The following CD81 variants were observed in gnomAD, a reference collection of about 807,000 sequenced individuals.
CD81 encodes the protein CD81 antigen.
CD81 carries 10 observed loss-of-function variants against 30.1 expected under a neutral mutation model. The ratio of observed to expected loss-of-function variants is 0.33; its 90% CI spans 0.21 to 0.56. The LOEUF (loss-of-function observed/expected upper bound fraction) is 0.56. CD81 is among the 20% of genes least tolerant of loss of function. The pLI is 0.89. For missense variants in CD81, 263 were observed against 308.7 expected, an observed-to-expected ratio of 0.85 and a Z score of 1.11; for synonymous variants, 147 against 126.4, an observed-to-expected ratio of 1.16 and a Z score of -1.10.
intron 3 of CD81, 105 bp from the exon 4 acceptor site, chr11:2,394,867 C>G: frequency 9.6e-7 from 1 of 1,046,004 alleles, no homozygotes; most frequent in East Asian, 2.4e-5. Flanking sequence ...CTGGTGGCTC[C>G]CACTAGCCCC....
At chr11:2,385,913 T>A in intron 1 of CD81, 1 of 660,594 alleles carries the variant, frequency 1.5e-6, no homozygotes, top group Non-Finnish European at 2.8e-6. Context: ...CTTGGGTAAA[T>A]ACCTGTGCGT....
Position 2,377,711 on chromosome 11 carries a change from C to A in CD81, c.66+96C>A. On this transcript the variant is annotated intron_variant, in intron 1 of 7. Transcript: ENST00000263645. This position sits in a 1 kb window ranked among gnomAD's most constrained non-coding sequence, Gnocchi z 7.7. The stretch of plus-strand genomic sequence containing the variant: ...AGCGTGCTAGGCCCCGCGGGCGCAG[C>A]GCGGGCCGCGAAGTTGTGGGGCCAC... 1 of 728,562 alleles carries A rather than the reference C, an allele frequency of 1.4e-6. No homozygotes were observed. The highest frequency in any genetic ancestry group is 2.0e-6 in the Non-Finnish European group (1 of 510,282). 45.1% of individuals were successfully genotyped at this position (728,562 alleles called of 1,614,324 possible). A position where few individuals can be genotyped will look rare whatever the true frequency, so the allele number is the denominator to read the frequency against.
rs747232734 is a variant in CD81 at position 2,396,833 on chromosome 11, G to A, written c.678G>A (p.Leu226=). Residue 226 remains leucine, a synonymous_variant, in exon 8 of 8, where the codon CTG becomes CTA. Coordinates refer to ENST00000263645, the MANE Select transcript of CD81 (RefSeq NM_004356.4). ...TCGAGATGATCCTGAGCATGGTGCTGTGCTGTGGCATCCGGAACAGCTCCG... is the reference window on the plus strand; with the variant it reads ...TCGAGATGATCCTGAGCATGGTGCTATGCTGTGGCATCCGGAACAGCTCCG... ...MIFEMILSMV[L]CCGIRNSSVY 6.2e-7 allele frequency: 1 copy of A among 1,612,824 alleles called. No individual in the cohort carries two copies. The highest frequency in any genetic ancestry group is 8.5e-7 in the Non-Finnish European group (1 of 1,180,014).
chr11:2,390,556 C>T (rs769589492), intron 2 of CD81, 30 bp downstream of exon 2: 3 of 1,496,942 alleles, frequency 2.0e-6, no homozygotes, highest in African/African-American at 1.4e-5. Context: ...CAGACGCATT[C>T]AGGGAGGGCT....
Position 2,395,983 on chromosome 11 carries a change from G to A in CD81, c.561+13G>A, listed in dbSNP as rs781114589. ...CAACCTCTTCAAGGTGCGCGAGGCCGGTGGGGCCGCGCCTGACCCCCCGCA... is the reference window on the plus strand; with the variant it reads ...CAACCTCTTCAAGGTGCGCGAGGCCAGTGGGGCCGCGCCTGACCCCCCGCA... On this transcript the variant is annotated intron_variant, in intron 6 of 7. Coordinates refer to ENST00000263645, the MANE Select transcript of CD81 (RefSeq NM_004356.4). The A allele has an allele frequency of 1.3e-5, 20 of 1,567,958 alleles. No individual in the cohort carries two copies. Among genetic ancestry groups the A allele is most frequent in the Admixed American group, 5.0e-5 (3 of 59,942 alleles).
intron 1 of CD81, among the ~76,000 whole-genome samples, chr11:2,380,180 A>T (rs1459485312): frequency 6.6e-6 from 1 of 152,062 alleles, no homozygotes. Context: ...GACAGGCAGG[A>T]TGTGCAGTGG....
rs1849677195 is a variant in CD81, at chr11:2,379,947, T to C, written c.66+2332T>C. Among the ~76,000 whole-genome samples, 13 of 152,286 alleles carry C rather than the reference T, an allele frequency of 8.5e-5. No homozygotes were observed. In the South Asian group the frequency reaches 2.7e-3, roughly 32 times the overall value. ...GTGTGTGGCTGAGAGCACAGTGCCA[T>C]GGGCTTGGGCCTCCTTGGTGGAGTC... On this transcript the variant is annotated intron_variant, in intron 1 of 7. Coordinates refer to ENST00000263645, the MANE Select transcript of CD81 (RefSeq NM_004356.4).
intron 1 of CD81, among the ~76,000 whole-genome samples, chr11:2,389,847 G>C (rs1564992910): frequency 6.6e-6 from 1 of 152,004 alleles, no homozygotes; most frequent in Non-Finnish European, 1.5e-5. Context: ...AGCAAAGATG[G>C]GGTGCCCCCA....
At chr11:2,382,529 G>T (rs1176289654) in intron 1 of CD81, 1 of 152,286 alleles carries the variant, frequency 6.6e-6, no homozygotes, top group Non-Finnish European at 1.5e-5. Context: ...CCCAGTTATG[G>T]AAGTGGCGTG....
At chr11:2,389,824 C>T (rs946650597) in intron 1 of CD81, among the ~76,000 whole-genome samples, 1 of 152,132 alleles carries the variant, frequency 6.6e-6, no homozygotes, top group Non-Finnish European at 1.5e-5. Flanking sequence ...AAATCCTACC[C>T]TCTCCTCCTG....
chr11:2,395,389 G>A, intron 4 of CD81, 27 bp from the exon 5 acceptor site: 2 of 1,563,280 alleles, frequency 1.3e-6, no homozygotes, highest in Non-Finnish European at 1.8e-6. Flanking sequence ...GGTTCCCCCT[G>A]TGCATGTGAC....
At chr11:2,383,838 G>C (rs1849740875) in intron 1 of CD81, among the ~76,000 whole-genome samples, 1 of 152,228 alleles carries the variant, frequency 6.6e-6, no homozygotes, top group Admixed American at 6.5e-5. Flanking sequence ...CCGTCTGGGT[G>C]GGGGTAAGGT....
chr11:2,397,389 G>A lies in CD81; in HGVS notation c.*523G>A, dbSNP rs1665753865. 3 of 203,252 alleles carry A rather than the reference G, an allele frequency of 1.5e-5. No homozygotes were observed. Among genetic ancestry groups the A allele is most frequent in the Admixed American group, 5.3e-5 (1 of 18,730 alleles). 12.6% of individuals were successfully genotyped at this position (203,252 alleles called of 1,614,324 possible). A position where few individuals can be genotyped will look rare whatever the true frequency, so the allele number is the denominator to read the frequency against. ...GTCATTTAATAAAGAAGGAACATCAGGCATGCTACCAGGCCTGTGCAGTCC... is the reference window on the plus strand; with the variant it reads ...GTCATTTAATAAAGAAGGAACATCAAGCATGCTACCAGGCCTGTGCAGTCC... On this transcript the variant is annotated 3_prime_UTR_variant, in exon 8 of 8. Transcript: ENST00000263645.
At chr11:2,385,038 G>A (rs1849766946) in intron 1 of CD81, among the ~76,000 whole-genome samples, 1 of 152,114 alleles carries the variant, frequency 6.6e-6, no homozygotes, top group Non-Finnish European at 1.5e-5. Context: ...TAAGGACGCG[G>A]CTTCGGTGTT....
upstream of CD81, chr11:2,377,035 T>C (rs947886034): frequency 1.3e-5 from 2 of 152,358 alleles, no homozygotes; most frequent in African/African-American, 4.8e-5. The surrounding 1 kb of genome is among the most constrained non-coding windows in gnomAD (Gnocchi z 7.7). Flanking sequence ...TGCATGCCTG[T>C]CCTCAGGCGC....
chr11:2,390,068 G>A (rs184330964), intron 1 of CD81: 6 of 421,218 alleles, frequency 1.4e-5, no homozygotes, highest in East Asian at 1.0e-4. Flanking sequence ...TGTATGTCCC[G>A]TGCAATATTT....
intron 1 of CD81, chr11:2,385,668 C>A: frequency 3.9e-6 from 1 of 256,098 alleles, no homozygotes; most frequent in East Asian, 9.0e-5. Flanking sequence ...TGCCCGTCGT[C>A]TGTGCACCCG....
upstream of CD81, chr11:2,376,855 G>A (rs1354581895): frequency 6.6e-6 from 1 of 152,424 alleles, no homozygotes; most frequent in Non-Finnish European, 1.5e-5. Context: ...AGCAAAGCTT[G>A]CTGTCTTTGC....
intron 2 of CD81, chr11:2,391,023 T>C (rs1256469592): frequency 4.4e-6 from 1 of 226,890 alleles, no homozygotes; most frequent in Non-Finnish European, 8.8e-6. Flanking sequence ...CCTTGCTGCC[T>C]TATTAGGCTG....
Sources: allele counts gnomAD v4.1 joint callset (sites outside exome capture counted in the v4.1 genomes callset), GRCh38; gene constraint gnomAD v4.1.1; non-coding constraint Gnocchi (gnomAD v3.1); transcripts MANE v1.5; gene names NCBI Gene and HGNC (gene_info 2026-07-23, HGNC 2026-07-21).